The following SENP2 variants were observed in gnomAD, a reference collection of about 807,000 sequenced individuals.
The protein encoded by SENP2 is SUMO specific peptidase 2, also known as sentrin-specific protease 2.
A neutral mutation model predicts 86.3 loss-of-function variants in SENP2; 16 were observed. That is an observed-to-expected ratio of 0.19 (90% CI 0.13 to 0.28). The LOEUF (loss-of-function observed/expected upper bound fraction) is 0.28. SENP2 is among the 10% of genes least tolerant of loss of function. The pLI is 1.00. For missense variants in SENP2, 552 were observed against 703.0 expected, an observed-to-expected ratio of 0.79 and a Z score of 2.43; for synonymous variants, 222 against 238.7, an observed-to-expected ratio of 0.93 and a Z score of 0.64.
Position 185,586,375 on chromosome 3 carries a change from C to A in SENP2, c.-39C>A. On this transcript the variant is annotated 5_prime_UTR_variant, in exon 1 of 17. Transcript: ENST00000296257. This position sits in a 1 kb window ranked among gnomAD's most constrained non-coding sequence, Gnocchi z 4.3. ...GCGGCGACAGCTCTGGGGTTTGCGT[C>A]TCGGGGTGTGTCGGCCGCCGCTGCT... The A allele has an allele frequency of 6.2e-7, 1 of 1,612,358 alleles. No homozygotes were observed. Among genetic ancestry groups the A allele is most frequent in the East Asian group, 2.2e-5 (1 of 44,868 alleles).
At chr3:185,603,720 G>C (rs189339232) in intron 5 of SENP2, among the ~76,000 whole-genome samples, 1 of 152,338 alleles carries the variant, frequency 6.6e-6, no homozygotes, top group Non-Finnish European at 1.5e-5. Context: ...TACACAGTTA[G>C]TCAGGGGTGA....
intron 5 of SENP2, among the ~76,000 whole-genome samples, chr3:185,603,376 T>C (rs1443347383): frequency 6.6e-6 from 1 of 152,162 alleles, no homozygotes; most frequent in Non-Finnish European, 1.5e-5. Flanking sequence ...GCAGCATTCC[T>C]GCAAAAACGA....
At chr3:185,602,379 CAGA>C (rs926548513) in intron 5 of SENP2, among the ~76,000 whole-genome samples, 7 of 152,068 alleles carry the variant, frequency 4.6e-5, no homozygotes, top group Admixed American at 6.6e-5. Context: ...GCCACCCTGA[CAGA>C]GGAGGAGATT....
At chr3:185,613,162 C>T (rs976289307) in intron 9 of SENP2, among the ~76,000 whole-genome samples, 183 bp from the exon 10 acceptor site, 1 of 152,200 alleles carries the variant, frequency 6.6e-6, no homozygotes, top group Non-Finnish European at 1.5e-5. Context: ...GACCATAAAA[C>T]CTGCAAAGCC....
intron 15 of SENP2, among the ~76,000 whole-genome samples, chr3:185,625,436 T>C (rs1050630522): frequency 6.6e-5 from 10 of 152,098 alleles, no homozygotes; most frequent in African/African-American, 2.2e-4. Context: ...AAAATCATAA[T>C]CAACTTCATT....
intron 2 of SENP2, among the ~76,000 whole-genome samples, chr3:185,590,812 G>T (rs1363984968): frequency 1.1e-5 from 1 of 88,060 alleles, no homozygotes; most frequent in Non-Finnish European, 2.0e-5. Flanking sequence ...AGTGAGCCAA[G>T]AATCTGCTAC....
At position 185,633,277 on chromosome 3, in the gene SENP2, G is replaced by A. The variant is rs1161303201; in HGVS notation, c.*3433G>A. On this transcript the variant is annotated 3_prime_UTR_variant, in exon 17 of 17. Coordinates refer to ENST00000296257, the MANE Select transcript of SENP2 (RefSeq NM_021627.3). ...TTAAGTGTGTGACAACCTCAGTACTGTAGTTAAGCTACATTCTTTAAATTA... is the reference window on the plus strand; with the variant it reads ...TTAAGTGTGTGACAACCTCAGTACTATAGTTAAGCTACATTCTTTAAATTA... 1 of 152,184 alleles carries A rather than the reference G, an allele frequency of 6.6e-6. No individual in the cohort carries two copies. The highest frequency in any genetic ancestry group is 1.5e-5 in the Non-Finnish European group (1 of 68,030). 9.4% of individuals were successfully genotyped at this position (152,184 alleles called of 1,614,324 possible). A position where few individuals can be genotyped will look rare whatever the true frequency, so the allele number is the denominator to read the frequency against.
At chr3:185,601,791 C>G (rs1259660628) in intron 5 of SENP2, among the ~76,000 whole-genome samples, 1 of 151,926 alleles carries the variant, frequency 6.6e-6, no homozygotes, top group African/African-American at 2.4e-5. Context: ...GGGCGTGCCA[C>G]CATGCCCAGC....
In SENP2 at chr3:185,612,636, T is replaced by C; in HGVS notation, c.847T>C (p.Cys283Arg). The change falls in exon 9 of 17, where the codon TGT (cysteine) becomes CGT (arginine). Residue 283 changes from cysteine (C) to arginine (R), a missense_variant. By Grantham distance (180) the Cys-to-Arg change is radical (BLOSUM62 -3). This residue lies in a region of SENP2 where 383 missense variants were observed against 427.3 expected (regional missense o/e 0.90). Coordinates refer to ENST00000296257, the MANE Select transcript of SENP2 (RefSeq NM_021627.3). ...YRLVETRGPL[C>R]SLRSEKRCSK... ...ACTTGTTGAAACAAGGGGACCTCTATGTTCATTGAGAAGTGAAAAGAGGTA... is the reference window on the plus strand; with the variant it reads ...ACTTGTTGAAACAAGGGGACCTCTACGTTCATTGAGAAGTGAAAAGAGGTA... 3.1e-6 allele frequency: 5 copies of C among 1,609,736 alleles called. No individual in the cohort carries two copies. In the South Asian group the frequency reaches 4.4e-5, roughly 14 times the overall value.
intron 2 of SENP2, among the ~76,000 whole-genome samples, chr3:185,595,443 A>G (rs757962768): frequency 2.0e-5 from 3 of 152,182 alleles, no homozygotes; most frequent in Non-Finnish European, 4.4e-5. Context: ...TTTGGTACTT[A>G]TAACTATTAG....
At chr3:185,625,123 T>TG (rs1712081960) in intron 15 of SENP2, among the ~76,000 whole-genome samples, 1 of 151,786 alleles carries the variant, frequency 6.6e-6, no homozygotes, top group Non-Finnish European at 1.5e-5. Context: ...ATTTTTTTTT[T>TG]TTTTTTGAGA....
chr3:185,604,275 A>G (rs368562844), intron 5 of SENP2, among the ~76,000 whole-genome samples: 4 of 152,258 alleles, frequency 2.6e-5, no homozygotes, highest in Admixed American at 1.3e-4. Flanking sequence ...GTTTAATTCT[A>G]TTATGGTTAG....
chr3:185,601,639 C>CTTTTT (rs4012716), intron 5 of SENP2, among the ~76,000 whole-genome samples: 4 of 116,744 alleles, frequency 3.4e-5, no homozygotes, highest in South Asian at 2.9e-4. Flanking sequence ...GTTGTTCTTG[C>CTTTTT]TTTTTTTTTT....
chr3:185,627,686 C>T (rs558768721), intron 16 of SENP2, among the ~76,000 whole-genome samples: 11 of 152,340 alleles, frequency 7.2e-5, no homozygotes, highest in Middle Eastern at 3.4e-3. Flanking sequence ...GCTGGGATTA[C>T]AGGCGTGAGC....
Position 185,624,043 on chromosome 3 carries a change from G to A in SENP2, c.1572G>A (p.Leu524=). The A allele has an allele frequency of 6.2e-7, 1 of 1,612,910 alleles. No homozygotes were observed. The highest frequency in any genetic ancestry group is 8.5e-7 in the Non-Finnish European group (1 of 1,179,402). The change falls in exon 15 of 17, where the codon CTG becomes CTA. Residue 524 remains leucine, a synonymous_variant. Transcript: ENST00000296257. ...DESKTKRNSD[L]NLLEWTHHSM... Reference sequence around the variant, plus strand: ...GTAAGACCAAAAGAAATAGTGATCTGAATCTTTTAGAGTGGACCCATCACA... The same window carrying A: ...GTAAGACCAAAAGAAATAGTGATCTAAATCTTTTAGAGTGGACCCATCACA...
chr3:185,613,419 A>C lies in SENP2; in HGVS notation c.933+11A>C. The C allele has an allele frequency of 6.5e-7, 1 of 1,548,266 alleles. No individual in the cohort carries two copies. The highest frequency in any genetic ancestry group is 8.9e-7 in the Non-Finnish European group (1 of 1,123,456). On this transcript the variant is annotated intron_variant, in intron 10 of 16. Transcript: ENST00000296257. ...TTTGAAAATGAAAGTGTAAGTAAAA[A>C]TCCTAGTTACATTTGATACCTGTTT... is the stretch of plus-strand genomic sequence containing the variant.
chr3:185,619,923 G>A (rs1295809675), intron 13 of SENP2, among the ~76,000 whole-genome samples: 1 of 151,764 alleles, frequency 6.6e-6, no homozygotes, highest in African/African-American at 2.4e-5. Context: ...TTGGAAAGAT[G>A]GAGTCTTGCT....
intron 16 of SENP2, among the ~76,000 whole-genome samples, chr3:185,628,975 C>T (rs552179848): frequency 3.3e-4 from 51 of 152,278 alleles, no homozygotes; most frequent in African/African-American, 1.2e-3. Flanking sequence ...AATAGCAAAG[C>T]AGTTGGCTGT....
At chr3:185,604,104 C>T (rs1383538815) in intron 5 of SENP2, among the ~76,000 whole-genome samples, 1 of 152,078 alleles carries the variant, frequency 6.6e-6, no homozygotes, top group Non-Finnish European at 1.5e-5. Flanking sequence ...CTGGGCGACA[C>T]AGTGAGACAC....
Sources: allele counts gnomAD v4.1 joint callset (sites outside exome capture counted in the v4.1 genomes callset), GRCh38; gene constraint gnomAD v4.1.1; regional missense constraint gnomAD v4.1.1; non-coding constraint Gnocchi (gnomAD v3.1); transcripts MANE v1.5; gene names NCBI Gene and HGNC (gene_info 2026-07-23, HGNC 2026-07-21).